Variants in STARD13 observed in about 807,000 individuals in gnomAD.
STARD13 encodes the protein StAR related lipid transfer domain containing 13.
Under a neutral mutation model 106.4 loss-of-function variants are expected in STARD13, and 62 were observed. That is an observed-to-expected ratio of 0.58 (90% CI 0.48 to 0.72). The LOEUF (loss-of-function observed/expected upper bound fraction) is 0.72, where lower values mean the gene tolerates loss of function less well. STARD13 is among the 30% of genes least tolerant of loss of function. STARD13 has a pLI of 0.00. For synonymous variants in STARD13, 565 were observed against 553.0 expected (o/e 1.02, Z -0.31); for missense variants, 1,387 against 1,424.0 (o/e 0.97, Z 0.42).
chr13:33,258,360 G>A (rs1473830196), intron 1 of STARD13, among the ~76,000 whole-genome samples: 5 of 151,828 alleles, frequency 3.3e-5, no homozygotes, highest in Non-Finnish European at 5.9e-5. Flanking sequence ...AATAGAAGAA[G>A]AGCAAAAAAG....
the STARD13 span, among the ~76,000 whole-genome samples, chr13:33,357,523 T>G: frequency 6.6e-6 from 1 of 152,140 alleles, no homozygotes; most frequent in South Asian, 2.1e-4. Flanking sequence ...TAAGCATTAT[T>G]TAACATAACA....
At chr13:33,600,629 T>C in the STARD13 span, among the ~76,000 whole-genome samples, 25,867 of 152,126 alleles carry the variant, frequency 0.17, 3,119 homozygotes, top group African/African-American at 0.33. Flanking sequence ...TTTCTGCAGG[T>C]TTAATTTTTT....
the STARD13 span, among the ~76,000 whole-genome samples, chr13:33,357,039 A>C: frequency 6.6e-6 from 1 of 152,258 alleles, no homozygotes; most frequent in East Asian, 1.9e-4. Context: ...TGTCATCAAA[A>C]TGAAAGGTAT....
chr13:33,436,307 A>C, the STARD13 span, among the ~76,000 whole-genome samples: 1 of 152,212 alleles, frequency 6.6e-6, no homozygotes, highest in Non-Finnish European at 1.5e-5. Context: ...TATGTTGTGC[A>C]CTAAGAATGG....
At chr13:33,459,387 A>G in the STARD13 span, among the ~76,000 whole-genome samples, 1 of 152,224 alleles carries the variant, frequency 6.6e-6, no homozygotes, top group Non-Finnish European at 1.5e-5. Flanking sequence ...TCTTTCATTT[A>G]GCATAATGCA....
the STARD13 span, among the ~76,000 whole-genome samples, chr13:33,508,916 C>T: frequency 6.6e-6 from 1 of 152,284 alleles, no homozygotes; most frequent in East Asian, 1.9e-4. Context: ...CTAACCTGTA[C>T]AGCATGCTAT....
chr13:33,658,733 A>G, the STARD13 span, among the ~76,000 whole-genome samples: 39 of 152,178 alleles, frequency 2.6e-4, no homozygotes, highest in Admixed American at 2.4e-3. Flanking sequence ...TAGTATGCTA[A>G]GACCGTGGCT....
intron 1 of STARD13, among the ~76,000 whole-genome samples, chr13:33,185,015 C>A (rs1462836460): frequency 6.6e-6 from 1 of 152,192 alleles, no homozygotes; most frequent in Non-Finnish European, 1.5e-5. Flanking sequence ...TGTCCTGTAG[C>A]TTCTAAACAC....
the STARD13 span, among the ~76,000 whole-genome samples, chr13:33,661,988 C>G: frequency 6.6e-6 from 1 of 151,866 alleles, no homozygotes; most frequent in South Asian, 2.1e-4. Context: ...TTTGGCTGGT[C>G]GCGGTGGCTC....
At chr13:33,145,566 G>T (rs970763287) in intron 3 of STARD13, among the ~76,000 whole-genome samples, 2 of 151,974 alleles carry the variant, frequency 1.3e-5, no homozygotes, top group Non-Finnish European at 2.9e-5. Context: ...ATTTGTACTT[G>T]AATGTTCATA....
the STARD13 span, among the ~76,000 whole-genome samples, chr13:33,584,458 G>A: frequency 1.5e-4 from 22 of 151,558 alleles, no homozygotes; most frequent in African/African-American, 4.6e-4. Context: ...AGCATCAAGG[G>A]GATGGTGGTA....
At chr13:33,547,892 G>A in the STARD13 span, among the ~76,000 whole-genome samples, 1 of 152,082 alleles carries the variant, frequency 6.6e-6, no homozygotes, top group East Asian at 1.9e-4. Context: ...TGATTAGTAG[G>A]TTAATGAAAT....
chr13:33,509,084 C>T, the STARD13 span, among the ~76,000 whole-genome samples: 1 of 152,240 alleles, frequency 6.6e-6, no homozygotes, highest in South Asian at 2.1e-4. Flanking sequence ...CTGTTGTTGA[C>T]TAAAACATCA....
At chr13:33,596,455 G>T in the STARD13 span, among the ~76,000 whole-genome samples, 1 of 152,112 alleles carries the variant, frequency 6.6e-6, no homozygotes, top group African/African-American at 2.4e-5. Flanking sequence ...TATTTATGGG[G>T]TACGTGTGAT....
the STARD13 span, among the ~76,000 whole-genome samples, chr13:33,499,738 T>C: frequency 7.1e-6 from 1 of 141,164 alleles, no homozygotes; most frequent in Non-Finnish European, 1.5e-5. Context: ...TCCCTCTCCC[T>C]CTCCCTCTTC....
chr13:33,507,615 G>C, the STARD13 span, among the ~76,000 whole-genome samples: 1 of 152,132 alleles, frequency 6.6e-6, no homozygotes, highest in Non-Finnish European at 1.5e-5. Flanking sequence ...CATGTTAGGG[G>C]TGCTGACCCC....
At chr13:33,153,557 C>T (rs1045081386) in intron 3 of STARD13, among the ~76,000 whole-genome samples, 6 of 152,096 alleles carry the variant, frequency 3.9e-5, no homozygotes, top group African/African-American at 1.2e-4. Flanking sequence ...CCAGCAGGGG[C>T]GTTTGACTCA....
the STARD13 span, among the ~76,000 whole-genome samples, chr13:33,652,201 C>G: frequency 6.6e-6 from 1 of 152,230 alleles, no homozygotes; most frequent in Admixed American, 6.5e-5. Context: ...AATGCCCCAG[C>G]ATTTGGGAAT....
chr13:33,361,532 A>G, the STARD13 span, among the ~76,000 whole-genome samples: 1 of 152,138 alleles, frequency 6.6e-6, no homozygotes, highest in Non-Finnish European at 1.5e-5. Flanking sequence ...ATTAGTCCAT[A>G]CTCACACTGC....
Sources: allele counts gnomAD v4.1 joint callset (sites outside exome capture counted in the v4.1 genomes callset), GRCh38; gene constraint gnomAD v4.1.1; transcripts MANE v1.5; gene names NCBI Gene and HGNC (gene_info 2026-07-23, HGNC 2026-07-21).